UBL3: variants seen among roughly 807,000 people sequenced by gnomAD.
UBL3 encodes ubiquitin-like protein 3.
In UBL3, 6 loss-of-function variants were observed where a neutral mutation model predicts 18.4. The ratio of observed to expected loss-of-function variants is 0.33; its 90% confidence interval spans 0.18 to 0.64. The LOEUF is 0.64. UBL3 is among the 30% of genes least tolerant of loss of function. The pLI, the probability that UBL3 is intolerant of heterozygous loss-of-function variation, is 0.76. For synonymous variants in UBL3, 49 were observed against 46.6 expected (o/e 1.05, Z -0.21); for missense variants, 109 against 142.9 (o/e 0.76, Z 1.21).
intron 1 of UBL3, among the ~76,000 whole-genome samples, chr13:29,788,322 C>A (rs935692781): frequency 1.7e-4 from 26 of 152,188 alleles, no homozygotes; most frequent in Admixed American, 2.0e-4. Flanking sequence ...TTATCAAATT[C>A]TCAGTACTAC....
chr13:29,836,256 G>A (rs1878959384), intron 1 of UBL3, among the ~76,000 whole-genome samples: 1 of 152,120 alleles, frequency 6.6e-6, no homozygotes, highest in African/African-American at 2.4e-5. Context: ...GCCATGGTAA[G>A]TAACATAGTA....
rs573442327 is a variant in UBL3, at chr13:29,790,792, T to C, written c.28-13529A>G. Reference sequence around the variant, plus strand: ...GTTAAACATCCTTCGGGAAGACTATTCCTGCTTGTTTAATCCTTTGATCCT... The same window carrying C: ...GTTAAACATCCTTCGGGAAGACTATCCCTGCTTGTTTAATCCTTTGATCCT... On this transcript the variant is annotated intron_variant, in intron 1 of 4. Coordinates refer to ENST00000380680, the MANE Select transcript of UBL3 (RefSeq NM_007106.4). 9.2e-5 allele frequency among the ~76,000 whole-genome samples: 14 copies of C among 152,300 alleles called. No homozygotes were observed. In the East Asian group the frequency reaches 2.7e-3, roughly 29 times the overall value.
chr13:29,804,217 C>T (rs1332868655), intron 1 of UBL3, among the ~76,000 whole-genome samples: 1 of 151,948 alleles, frequency 6.6e-6, no homozygotes, highest in African/African-American at 2.4e-5. Context: ...TCCTGAATGA[C>T]CTTTGGGTAA....
chr13:29,773,855 C>G (rs1876911413), intron 2 of UBL3, among the ~76,000 whole-genome samples: 2 of 152,028 alleles, frequency 1.3e-5, no homozygotes, highest in South Asian at 4.1e-4. Flanking sequence ...CACTAAATAG[C>G]AGAAGGGTAT....
intron 1 of UBL3, among the ~76,000 whole-genome samples, chr13:29,786,366 G>C (rs1877317963): frequency 6.6e-6 from 1 of 152,132 alleles, no homozygotes; most frequent in Non-Finnish European, 1.5e-5. Context: ...TGCCTAGAAT[G>C]CTTTGCACTC....
intron 3 of UBL3, 32 bp downstream of exon 3, chr13:29,772,080 A>C: frequency 6.5e-7 from 1 of 1,549,008 alleles, no homozygotes; most frequent in Non-Finnish European, 8.9e-7. Flanking sequence ...CATGAGACAG[A>C]CATTAAATCC....
intron 2 of UBL3, among the ~76,000 whole-genome samples, chr13:29,776,772 G>A (rs960898350): frequency 1.3e-5 from 2 of 150,788 alleles, no homozygotes; most frequent in Non-Finnish European, 2.9e-5. Context: ...TCGGGAGGCT[G>A]AGGTAGGGGA....
At chr13:29,825,446 TTTA>T (rs1284138006) in intron 1 of UBL3, among the ~76,000 whole-genome samples, 6 of 152,174 alleles carry the variant, frequency 3.9e-5, no homozygotes, top group African/African-American at 1.4e-4. Flanking sequence ...TCCTAGGTAT[TTTA>T]TTCTCTTTGA....
At chr13:29,809,550 A>G (rs989461553) in intron 1 of UBL3, among the ~76,000 whole-genome samples, 26 of 152,138 alleles carry the variant, frequency 1.7e-4, no homozygotes, top group Non-Finnish European at 3.1e-4. Context: ...GCATGGTCCA[A>G]TTTACACTGA....
At chr13:29,809,105 G>A (rs1209935331) in intron 1 of UBL3, among the ~76,000 whole-genome samples, 1 of 152,092 alleles carries the variant, frequency 6.6e-6, no homozygotes, top group East Asian at 1.9e-4. Flanking sequence ...AAACATAGAT[G>A]GATGTCTGAA....
At chr13:29,810,770 G>T (rs1463853417) in intron 1 of UBL3, among the ~76,000 whole-genome samples, 1 of 152,090 alleles carries the variant, frequency 6.6e-6, no homozygotes, top group Admixed American at 6.6e-5. Flanking sequence ...TGTTTATAAT[G>T]CAAGCTATGA....
At chr13:29,792,159 A>G (rs541681890) in intron 1 of UBL3, among the ~76,000 whole-genome samples, 4 of 152,266 alleles carry the variant, frequency 2.6e-5, no homozygotes, top group Non-Finnish European at 5.9e-5. Context: ...ATAATGTACT[A>G]GAGTATGTGT....
chr13:29,801,209 C>G (rs1877754704), intron 1 of UBL3, among the ~76,000 whole-genome samples: 1 of 152,146 alleles, frequency 6.6e-6, no homozygotes, highest in South Asian at 2.1e-4. Context: ...GAGAGGAGCC[C>G]AGTCTCTTTT....
At chr13:29,811,929 T>C (rs904236015) in intron 1 of UBL3, among the ~76,000 whole-genome samples, 1 of 152,108 alleles carries the variant, frequency 6.6e-6, no homozygotes, top group Non-Finnish European at 1.5e-5. Flanking sequence ...AGTATCTTCA[T>C]GCTGCCCTTT....
At chr13:29,823,649 A>T (rs1406764980) in intron 1 of UBL3, among the ~76,000 whole-genome samples, 1 of 152,180 alleles carries the variant, frequency 6.6e-6, no homozygotes, top group Non-Finnish European at 1.5e-5. Context: ...CTGCATAATG[A>T]TAATTACCTT....
intron 1 of UBL3, among the ~76,000 whole-genome samples, chr13:29,795,348 A>C (rs923026444): frequency 6.6e-6 from 1 of 152,150 alleles, no homozygotes; most frequent in Admixed American, 6.5e-5. Flanking sequence ...GGAACTCCTA[A>C]GAATTTAACC....
intron 3 of UBL3, 114 bp downstream of exon 3, chr13:29,771,998 C>T: frequency 2.2e-6 from 2 of 918,290 alleles, no homozygotes; most frequent in Admixed American, 4.9e-5. Context: ...AGGCAGAATT[C>T]ATAGTTTGAA....
rs558111935 is a variant in UBL3, at chr13:29,844,466, C to A, written c.27+5046G>T. Among the ~76,000 whole-genome samples, 3 of 152,292 alleles carry A rather than the reference C, an allele frequency of 2.0e-5. No individual in the cohort carries two copies. The East Asian group carries it at 5.8e-4, about 29-fold the overall frequency. On this transcript the variant is annotated intron_variant, in intron 1 of 4. Coordinates refer to ENST00000380680, the MANE Select transcript of UBL3 (RefSeq NM_007106.4). ...TACACAGACAGGTACCCAATAAACA[C>A]TGATTGAATGCAAGCAATATTATTC...
At chr13:29,815,951 TG>T (rs1878267158) in intron 1 of UBL3, among the ~76,000 whole-genome samples, 1 of 152,122 alleles carries the variant, frequency 6.6e-6, no homozygotes, top group African/African-American at 2.4e-5. Flanking sequence ...AACCAGTTTC[TG>T]CATGGAGTCA....
Sources: gnomAD v4.1 joint callset for allele counts (sites outside exome capture counted in the v4.1 genomes callset) on GRCh38, gnomAD v4.1.1 for gene constraint, MANE v1.5 for transcripts, NCBI Gene and HGNC (gene_info 2026-07-23, HGNC 2026-07-21) for gene names.